Variants in CCBE1 observed in about 807,000 individuals in gnomAD.
CCBE1 encodes collagen and calcium-binding EGF domain-containing protein 1.
A neutral mutation model predicts 50.0 loss-of-function variants in CCBE1; 37 were observed. That is an observed-to-expected ratio of 0.74 (90% CI 0.57 to 0.97). The LOEUF is 0.97. Ranked by LOEUF, CCBE1 falls within the 50% of genes least tolerant of loss-of-function variation. The pLI is 0.00. For missense variants in CCBE1, 538 were observed against 523.8 expected, an observed-to-expected ratio of 1.03 and a Z score of -0.26; for synonymous variants, 234 against 203.7, an observed-to-expected ratio of 1.15 and a Z score of -1.27.
chr18:59,495,834 G>A lies in CCBE1; in HGVS notation c.213-15596C>T, dbSNP rs143028270. On this transcript the variant is annotated intron_variant, in intron 2 of 10. Transcript: ENST00000439986. Reference sequence around the variant, plus strand: ...GGTTCTCCAGGCAACTGCCGCTCTCGGGTGGTAATGACCTCTGGACAAACC... The same window carrying A: ...GGTTCTCCAGGCAACTGCCGCTCTCAGGTGGTAATGACCTCTGGACAAACC... 2.6e-4 allele frequency among the ~76,000 whole-genome samples: 40 copies of A among 152,230 alleles called. No homozygotes were observed. The East Asian group carries it at 4.8e-3, about 18-fold the overall frequency.
rs201030273 is a variant in CCBE1 at position 59,480,239 on chromosome 18, C to T, written c.213-1G>A. 4 of 1,586,198 alleles carry T rather than the reference C, an allele frequency of 2.5e-6. No homozygotes were observed. The highest frequency in any genetic ancestry group is 3.3e-5 in the Admixed American group (2 of 59,930). On this transcript the variant is annotated splice_acceptor_variant, in intron 2 of 10. Coordinates refer to ENST00000439986, the MANE Select transcript of CCBE1 (RefSeq NM_133459.4). LOFTEE classifies it high-confidence loss of function. ...TTTATATCCTTTGCAGCACTTTTTCCTAAGAGACAAACAAACATTTAAAAT... is the reference window on the plus strand; with the variant it reads ...TTTATATCCTTTGCAGCACTTTTTCTTAAGAGACAAACAAACATTTAAAAT...
chr18:59,670,944 C>G (rs745609288), intron 2 of CCBE1, among the ~76,000 whole-genome samples: 1 of 152,040 alleles, frequency 6.6e-6, no homozygotes, highest in South Asian at 2.1e-4. Flanking sequence ...GTGAAACTGT[C>G]TCAAAAAAAT....
chr18:59,538,748 G>A (rs1387081178), intron 2 of CCBE1, among the ~76,000 whole-genome samples: 1 of 152,200 alleles, frequency 6.6e-6, no homozygotes, highest in Non-Finnish European at 1.5e-5. Context: ...GTGATAGGCA[G>A]ACATCTACAA....
intron 3 of CCBE1, among the ~76,000 whole-genome samples, chr18:59,473,290 T>A (rs765189187): frequency 6.6e-6 from 1 of 152,172 alleles, no homozygotes; most frequent in African/African-American, 2.4e-5. Flanking sequence ...TTTGAAGGCA[T>A]TGTTCCATTG....
chr18:59,644,224 G>A (rs938521321), intron 2 of CCBE1, among the ~76,000 whole-genome samples: 32 of 152,310 alleles, frequency 2.1e-4, no homozygotes, highest in Admixed American at 1.4e-3. Context: ...ATCTAATGCC[G>A]TTGCTGATCT....
intron 2 of CCBE1, among the ~76,000 whole-genome samples, chr18:59,554,996 G>T (rs1406657546): frequency 6.6e-6 from 1 of 152,206 alleles, no homozygotes; most frequent in Non-Finnish European, 1.5e-5. Context: ...TTGCCACTTA[G>T]TTGTCAGGGG....
intron 2 of CCBE1, among the ~76,000 whole-genome samples, chr18:59,601,019 T>G (rs1326294595): frequency 5.9e-5 from 3 of 50,688 alleles, no homozygotes; most frequent in African/African-American, 2.3e-4. Context: ...AGTTTTTTTT[T>G]TTTTTTTTTT....
intron 8 of CCBE1, 25 bp from the exon 9 acceptor site, chr18:59,439,603 A>G: frequency 1.9e-6 from 3 of 1,614,276 alleles, no homozygotes; most frequent in Non-Finnish European, 2.5e-6. Flanking sequence ...GATCTGGTTT[A>G]ACCACAGGCA....
intron 2 of CCBE1, among the ~76,000 whole-genome samples, chr18:59,515,659 CT>C: frequency 6.6e-6 from 1 of 152,282 alleles, no homozygotes; most frequent in Middle Eastern, 3.4e-3. Flanking sequence ...CTTAAAAGCT[CT>C]GCTGGCTCTA....
chr18:59,451,780 C>A (rs551299806), intron 6 of CCBE1, among the ~76,000 whole-genome samples: 1 of 152,136 alleles, frequency 6.6e-6, no homozygotes. Context: ...AACAAACCCG[C>A]CCATCCTGCA....
At chr18:59,512,335 C>A (rs1225988146) in intron 2 of CCBE1, among the ~76,000 whole-genome samples, 1 of 152,234 alleles carries the variant, frequency 6.6e-6, no homozygotes, top group Non-Finnish European at 1.5e-5. Context: ...GAGCTGTAAA[C>A]ATCTACCCCT....
intron 2 of CCBE1, among the ~76,000 whole-genome samples, chr18:59,521,817 C>T (rs749629497): frequency 6.6e-6 from 1 of 152,058 alleles, no homozygotes. Context: ...ACTTGGTGGA[C>T]ATCGACAAAA....
At chr18:59,509,906 T>C (rs549554933) in intron 2 of CCBE1, among the ~76,000 whole-genome samples, 2 of 152,262 alleles carry the variant, frequency 1.3e-5, no homozygotes, top group Admixed American at 1.3e-4. Flanking sequence ...GTCATGGGGA[T>C]GGTCTAAGGG....
intron 2 of CCBE1, among the ~76,000 whole-genome samples, chr18:59,572,061 C>T (rs145943553): frequency 3.3e-5 from 5 of 152,274 alleles, no homozygotes; most frequent in African/African-American, 1.2e-4. Context: ...GTTGTTTTGG[C>T]AGACATGGTA....
In CCBE1 at chr18:59,437,244, C is replaced by G. The variant is rs111735779; in HGVS notation, c.987+867G>C. On this transcript the variant is annotated intron_variant, in intron 10 of 10. Transcript: ENST00000439986. ...ACAAACACGCATGTTCTGGGCTTGT[C>G]AGAAGCTTGTAGTAAAATCGTTATC... Among the ~76,000 whole-genome samples, 1,211 of 152,292 alleles carry G rather than the reference C, an allele frequency of 8.0e-3. 9 individuals are homozygous for G. The highest frequency in any genetic ancestry group is 0.01 in the South Asian group (49 of 4,822).
At chr18:59,668,337 T>C (rs1005520853) in intron 2 of CCBE1, among the ~76,000 whole-genome samples, 1 of 151,910 alleles carries the variant, frequency 6.6e-6, no homozygotes, top group East Asian at 1.9e-4. Context: ...GAATTCCTGT[T>C]ACCTGGGAGG....
chr18:59,594,547 G>A, intron 2 of CCBE1, among the ~76,000 whole-genome samples: 1 of 152,204 alleles, frequency 6.6e-6, no homozygotes, highest in Non-Finnish European at 1.5e-5. Context: ...CTTCTGTTAT[G>A]TATGTTTTTC....
At chr18:59,670,509 C>G (rs141271979) in intron 2 of CCBE1, among the ~76,000 whole-genome samples, 1 of 152,110 alleles carries the variant, frequency 6.6e-6, no homozygotes, top group Non-Finnish European at 1.5e-5. Flanking sequence ...GTCATGCATG[C>G]GTGTGCCCAG....
chr18:59,534,512 G>A (rs1915173997), intron 2 of CCBE1, among the ~76,000 whole-genome samples: 1 of 152,198 alleles, frequency 6.6e-6, no homozygotes, highest in Non-Finnish European at 1.5e-5. Flanking sequence ...GGGGCTTCCT[G>A]GTCCAGTGCC....
Sources: allele counts gnomAD v4.1 joint callset (sites outside exome capture counted in the v4.1 genomes callset), GRCh38; gene constraint gnomAD v4.1.1; transcripts MANE v1.5; gene names NCBI Gene and HGNC (gene_info 2026-07-23, HGNC 2026-07-21).